CCDC169: variants seen among roughly 807,000 people sequenced by gnomAD.
The protein encoded by CCDC169 is coiled-coil domain-containing protein 169.
In CCDC169, 30 loss-of-function variants were observed where a neutral mutation model predicts 36.0. The observed-to-expected ratio is 0.83, with a 90% CI of 0.62 to 1.13. The LOEUF (loss-of-function observed/expected upper bound fraction) is 1.13, where lower values mean the gene tolerates loss of function less well. Among genes scored for constraint, CCDC169 ranks in the 50% most tolerant of loss-of-function variants. CCDC169 has a pLI of 0.00. For missense variants in CCDC169, 245 were observed against 245.9 expected (o/e 1.00, Z 0.03); for synonymous variants, 85 against 81.5 (o/e 1.04, Z -0.23).
At chr13:36,276,657 T>C (rs1876864720) in intron 4 of CCDC169, among the ~76,000 whole-genome samples, 3 of 152,048 alleles carry the variant, frequency 2.0e-5, no homozygotes, top group Admixed American at 2.0e-4. Context: ...AGGGTACTGA[T>C]AGGAAAACTA....
downstream of CCDC169, among the ~76,000 whole-genome samples, chr13:36,228,224 C>T (rs1870058185): frequency 6.6e-6 from 1 of 152,118 alleles, no homozygotes; most frequent in Non-Finnish European, 1.5e-5. Flanking sequence ...TATGTTTAAC[C>T]TTTTGAGGAA....
chr13:36,239,566 T>A (rs1290421069), intron 7 of CCDC169, among the ~76,000 whole-genome samples: 1 of 152,212 alleles, frequency 6.6e-6, no homozygotes, highest in Non-Finnish European at 1.5e-5. Flanking sequence ...TTCTTTATAT[T>A]CAGTAAAGCA....
chr13:36,237,161 G>GTA (rs1234356184), intron 7 of CCDC169, among the ~76,000 whole-genome samples: 1 of 151,972 alleles, frequency 6.6e-6, no homozygotes, highest in African/African-American at 2.4e-5. Context: ...AAGGCTATCT[G>GTA]TATAGAAATG....
At chr13:36,248,999 G>T (rs9546877) in intron 6 of CCDC169, among the ~76,000 whole-genome samples, 61,582 of 151,964 alleles carry the variant, frequency 0.41, 13,259 homozygotes, top group Non-Finnish European at 0.48. Flanking sequence ...AGATAATGCA[G>T]GCACCCTGCC....
chr13:36,240,513 C>T lies in CCDC169; in HGVS notation c.545+8093G>A, dbSNP rs1044012201. On this transcript the variant is annotated intron_variant, in intron 7 of 7. Coordinates refer to ENST00000239859, the MANE Select transcript of CCDC169 (RefSeq NM_001144981.3). ...TTTGGTTGTGTTATCTCTACTGTAG[C>T]TGCTTTTTAAAAAAATCAGAATCAG... 46 of 696,538 alleles carry T rather than the reference C, an allele frequency of 6.6e-5. No homozygotes were observed. In the Admixed American group the frequency reaches 1.9e-3, roughly 28 times the overall value. The allele number at this position is 696,538 out of a possible 1,614,324, so 43.1% of individuals were successfully genotyped here. A position where few individuals can be genotyped will look rare whatever the true frequency, so the allele number is the denominator to read the frequency against.
chr13:36,234,417 G>A (rs1870826759), intron 7 of CCDC169, among the ~76,000 whole-genome samples: 1 of 152,068 alleles, frequency 6.6e-6, no homozygotes, highest in South Asian at 2.1e-4. Flanking sequence ...GAAAAGGACA[G>A]ATAGAATATT....
downstream of CCDC169, among the ~76,000 whole-genome samples, chr13:36,228,590 T>TA (rs1870094200): frequency 6.6e-6 from 1 of 152,178 alleles, no homozygotes; most frequent in Non-Finnish European, 1.5e-5. Flanking sequence ...GACAGGGTCT[T>TA]ACTCTGTTGC....
intron 2 of CCDC169, among the ~76,000 whole-genome samples, chr13:36,289,691 T>C (rs1318271460): frequency 6.6e-6 from 1 of 152,214 alleles, no homozygotes; most frequent in South Asian, 2.1e-4. Context: ...GTTGTCTTCA[T>C]TAGATTTTTA....
intron 2 of CCDC169, among the ~76,000 whole-genome samples, chr13:36,293,396 T>C (rs1879133959): frequency 6.6e-6 from 1 of 152,192 alleles, no homozygotes; most frequent in African/African-American, 2.4e-5. Flanking sequence ...TGGCAGACTG[T>C]ATTTTCCAAA....
At chr13:36,223,552 C>T (rs1450563527), downstream of CCDC169, 3 of 151,986 alleles carry the variant, frequency 2.0e-5, no homozygotes, top group Non-Finnish European at 4.4e-5. Context: ...ATGATATGAG[C>T]TCATATTTAT....
chr13:36,282,543 G>A (rs147171648), intron 4 of CCDC169: 20 of 985,164 alleles, frequency 2.0e-5, no homozygotes, highest in Non-Finnish European at 2.4e-5. Flanking sequence ...AGAATAGAGA[G>A]GACCAGTTCT....
chr13:36,297,098 T>C (rs1248201668), intron 1 of CCDC169, among the ~76,000 whole-genome samples: 1 of 151,886 alleles, frequency 6.6e-6, no homozygotes, highest in African/African-American at 2.4e-5. Context: ...CAAAGGAGAG[T>C]CCAATTCTCA....
intron 4 of CCDC169, among the ~76,000 whole-genome samples, chr13:36,275,753 G>C (rs1191954305): frequency 2.6e-5 from 4 of 152,162 alleles, no homozygotes; most frequent in South Asian, 4.1e-4. Context: ...CCCAAATAGG[G>C]CTGGATGTCC....
At chr13:36,287,411 C>G (rs1447113121) in intron 2 of CCDC169, among the ~76,000 whole-genome samples, 1 of 152,176 alleles carries the variant, frequency 6.6e-6, no homozygotes, top group Non-Finnish European at 1.5e-5. Context: ...TGAACAGGTT[C>G]CAATTTTGTC....
intron 6 of CCDC169, among the ~76,000 whole-genome samples, chr13:36,251,871 A>G (rs1813324755): frequency 1.3e-5 from 2 of 152,218 alleles, no homozygotes; most frequent in South Asian, 4.1e-4. Context: ...GGAAAGTGAT[A>G]TTCACCATTT....
chr13:36,250,961 A>G lies in CCDC169; in HGVS notation c.469-2279T>C, dbSNP rs560540231. Among the ~76,000 whole-genome samples, 26 of 152,364 alleles carry G rather than the reference A, an allele frequency of 1.7e-4. No homozygotes were observed. In the South Asian group the frequency reaches 2.9e-3, roughly 17 times the overall value. On this transcript the variant is annotated intron_variant, in intron 6 of 7. Coordinates refer to ENST00000239859, the MANE Select transcript of CCDC169 (RefSeq NM_001144981.3). ...TCCTCAATCTCTCAGAGCCATTGCT[A>G]AAATCCTATGTTTACAAAGATAGAA...
intron 4 of CCDC169, among the ~76,000 whole-genome samples, chr13:36,256,326 G>C (rs942388186): frequency 6.6e-5 from 10 of 152,140 alleles, no homozygotes; most frequent in Non-Finnish European, 1.5e-4. Flanking sequence ...AGGTTTAACT[G>C]ACTCATGGTT....
chr13:36,261,553 C>T (rs1874608893), intron 4 of CCDC169, among the ~76,000 whole-genome samples: 1 of 152,172 alleles, frequency 6.6e-6, no homozygotes, highest in African/African-American at 2.4e-5. Context: ...CTCAAAAGGG[C>T]TCCTTTAGGC....
intron 2 of CCDC169, among the ~76,000 whole-genome samples, chr13:36,284,108 CATAA>C (rs1355570262): frequency 9.9e-5 from 15 of 151,580 alleles, no homozygotes; most frequent in African/African-American, 2.7e-4. Context: ...TATACATATC[CATAA>C]ATATATATAT....
Sources: allele counts gnomAD v4.1 joint callset (sites outside exome capture counted in the v4.1 genomes callset), GRCh38; gene constraint gnomAD v4.1.1; transcripts MANE v1.5; gene names NCBI Gene and HGNC (gene_info 2026-07-23, HGNC 2026-07-21).